OPA3: variants seen among roughly 807,000 people sequenced by gnomAD.
The protein encoded by OPA3 is outer mitochondrial membrane lipid metabolism regulator OPA3.
A neutral mutation model predicts 4.0 loss-of-function variants in OPA3; 6 were observed. The observed-to-expected ratio is 1.51, with a 90% CI of 0.83 to 2.99. OPA3 has a LOEUF of 2.99. Among genes scored for constraint, OPA3 ranks in the 30% most tolerant of loss-of-function variants. OPA3 has a pLI of 0.00. For synonymous variants in OPA3, 105 were observed against 117.1 expected (o/e 0.90, Z 0.67); for missense variants, 235 against 256.2 (o/e 0.92, Z 0.56).
chr19:45,581,318 A>T (rs1038868340), intron 1 of OPA3, among the ~76,000 whole-genome samples: 1 of 152,142 alleles, frequency 6.6e-6, no homozygotes, highest in Admixed American at 6.5e-5. Flanking sequence ...GGGGAAAAAA[A>T]GTGCACTCCC....
intron 1 of OPA3, among the ~76,000 whole-genome samples, chr19:45,568,172 A>T (rs1213780198): frequency 1.3e-5 from 2 of 151,782 alleles, no homozygotes; most frequent in Admixed American, 6.6e-5. Context: ...CAATCCAGTC[A>T]ATTTATTTAT....
downstream of OPA3, among the ~76,000 whole-genome samples, chr19:45,545,164 C>CAAAAAAAAAA (rs779193252): frequency 2.4e-5 from 1 of 40,818 alleles, no homozygotes; most frequent in Non-Finnish European, 5.5e-5. Flanking sequence ...GACACCGTCT[C>CAAAAAAAAAA]AAAAAAAAAA....
At chr19:45,579,919 G>A (rs1969821264) in intron 1 of OPA3, among the ~76,000 whole-genome samples, 1 of 151,584 alleles carries the variant, frequency 6.6e-6, no homozygotes, top group South Asian at 2.1e-4. Context: ...GCTAAATGAC[G>A]TACCCAAAGT....
chr19:45,553,978 A>C, intron 1 of OPA3, 67 bp from the exon 2 acceptor site: 1 of 1,342,032 alleles, frequency 7.5e-7, no homozygotes. Context: ...CCTCTCACCC[A>C]GGGAATGCAG....
At chr19:45,559,343 C>CT (rs1384525883) in intron 1 of OPA3, among the ~76,000 whole-genome samples, 1 of 144,690 alleles carries the variant, frequency 6.9e-6, no homozygotes, top group Non-Finnish European at 1.5e-5. Context: ...GTCTTTCTTT[C>CT]TTTCTTTTCT....
At chr19:45,581,230 C>T (rs1214813304) in intron 1 of OPA3, among the ~76,000 whole-genome samples, 1 of 152,128 alleles carries the variant, frequency 6.6e-6, no homozygotes, top group Non-Finnish European at 1.5e-5. Flanking sequence ...GCAGCCCCAA[C>T]AAAGACCCCA....
chr19:45,578,163 G>T (rs893750285), intron 1 of OPA3, among the ~76,000 whole-genome samples: 5 of 152,172 alleles, frequency 3.3e-5, no homozygotes, highest in African/African-American at 1.2e-4. Flanking sequence ...CATGGTAACA[G>T]CCCTTTCCCA....
At chr19:45,543,936 C>A (rs191477422), downstream of OPA3, among the ~76,000 whole-genome samples, 168 of 152,328 alleles carry the variant, frequency 1.1e-3, no homozygotes, top group African/African-American at 3.9e-3. Context: ...TCTTTTTCTG[C>A]TTCAGTTAGC....
At chr19:45,545,107 G>A (rs1340074658), downstream of OPA3, among the ~76,000 whole-genome samples, 2 of 149,764 alleles carry the variant, frequency 1.3e-5, no homozygotes, top group Admixed American at 1.4e-4. Flanking sequence ...AGAGGTTGTA[G>A]GGAGCCGAAA....
At chr19:45,565,646 C>T (rs545759271) in intron 1 of OPA3, among the ~76,000 whole-genome samples, 46 of 152,078 alleles carry the variant, frequency 3.0e-4, no homozygotes, top group African/African-American at 8.9e-4. Context: ...AGTCTAATTA[C>T]GGCTAATTTT....
downstream of OPA3, among the ~76,000 whole-genome samples, chr19:45,545,694 A>G (rs1969240763): frequency 1.3e-5 from 2 of 149,428 alleles, no homozygotes; most frequent in South Asian, 2.1e-4. Context: ...TACATACATC[A>G]TATGTACATG....
exon 2 of OPA3, chr19:45,529,204 G>A (rs756103311): frequency 1.9e-6 from 3 of 1,611,558 alleles, no homozygotes; most frequent in South Asian, 1.1e-5. Flanking sequence ...CTCCTCGAGC[G>A]CCAGCCCCAA....
chr19:45,564,043 C>G lies in OPA3; in HGVS notation c.143-10132G>C, dbSNP rs184879658. Among the ~76,000 whole-genome samples, 625 of 152,014 alleles carry G rather than the reference C, an allele frequency of 4.1e-3. 2 individuals are homozygous for G. Among genetic ancestry groups the G allele is most frequent in the African/African-American group, 0.014 (566 of 41,450 alleles). ...AAAATCAAACAAGCCACCTTGGCCCCCAGGATTCCACAGGTTAAGCCTATA... is the reference window on the plus strand; with the variant it reads ...AAAATCAAACAAGCCACCTTGGCCCGCAGGATTCCACAGGTTAAGCCTATA... On this transcript the variant is annotated intron_variant, in intron 1 of 1. Coordinates refer to ENST00000263275, the MANE Select transcript of OPA3 (RefSeq NM_025136.4).
chr19:45,553,942 T>C, intron 1 of OPA3, 31 bp from the exon 2 acceptor site: 1 of 1,570,744 alleles, frequency 6.4e-7, no homozygotes. Flanking sequence ...CAGGCTGCGC[T>C]CTGGGAGCCC....
intron 1 of OPA3, among the ~76,000 whole-genome samples, chr19:45,555,448 A>G (rs1443667900): frequency 6.7e-6 from 1 of 150,008 alleles, no homozygotes; most frequent in Non-Finnish European, 1.5e-5. Flanking sequence ...TGATCCTCCC[A>G]CCTCAGTCCC....
intron 1 of OPA3, among the ~76,000 whole-genome samples, chr19:45,531,009 C>T (rs1028580958): frequency 4.0e-5 from 5 of 124,088 alleles, no homozygotes; most frequent in South Asian, 5.6e-4. Context: ...AGGCTGGTCT[C>T]GAACTCCTGG....
At chr19:45,566,800 T>C (rs1023093557) in intron 1 of OPA3, among the ~76,000 whole-genome samples, 3 of 152,036 alleles carry the variant, frequency 2.0e-5, no homozygotes, top group Non-Finnish European at 4.4e-5. Flanking sequence ...AAATTAAATA[T>C]AACCTTACCA....
In OPA3 at chr19:45,549,986, C is replaced by T. The variant is rs1178265356; in HGVS notation, c.*3528G>A. On this transcript the variant is annotated 3_prime_UTR_variant, in exon 2 of 2. Transcript: ENST00000263275. ...CAGCCTGGGCAACTTGGAGAAACCC[C>T]GTCTCCACTAAAATACAAAAATTAG... 8 of 630,278 alleles carry T rather than the reference C, an allele frequency of 1.3e-5. No homozygotes were observed. Among genetic ancestry groups the T allele is most frequent in the African/African-American group, 2.0e-5 (1 of 49,884 alleles). 39.0% of individuals were successfully genotyped at this position (630,278 alleles called of 1,614,324 possible).
intron 1 of OPA3, among the ~76,000 whole-genome samples, chr19:45,581,709 C>T (rs1969857836): frequency 6.6e-6 from 1 of 152,194 alleles, no homozygotes; most frequent in Admixed American, 6.5e-5. Context: ...GTTCACCTTG[C>T]CCGCTGCCTA....
Sources: gnomAD v4.1 joint callset for allele counts (sites outside exome capture counted in the v4.1 genomes callset) on GRCh38, gnomAD v4.1.1 for gene constraint, MANE v1.5 for transcripts, NCBI Gene and HGNC (gene_info 2026-07-23, HGNC 2026-07-21) for gene names.